RPS6KC1: variants seen among roughly 807,000 people sequenced by gnomAD.
The protein encoded by RPS6KC1 is ribosomal protein S6 kinase C1, also known as inactive ribosomal protein S6 kinase delta-1.
A neutral mutation model predicts 103.8 loss-of-function variants in RPS6KC1; 54 were observed. The observed-to-expected ratio is 0.52, with a 90% confidence interval of 0.42 to 0.65. RPS6KC1 has a LOEUF of 0.65. RPS6KC1 is among the 30% of genes least tolerant of loss of function. RPS6KC1 has a pLI of 0.00. For missense variants in RPS6KC1, 1,151 were observed against 1,253.8 expected (o/e 0.92, Z 1.24); for synonymous variants, 439 against 438.7 (o/e 1.00, Z -0.01).
intron 14 of RPS6KC1, among the ~76,000 whole-genome samples, chr1:213,269,265 C>T (rs762772077): frequency 6.6e-6 from 1 of 152,108 alleles, no homozygotes; most frequent in Non-Finnish European, 1.5e-5. Flanking sequence ...GTAACAGTTA[C>T]AAATGTATAT....
At chr1:213,152,014 G>A (rs1302641869) in intron 6 of RPS6KC1, among the ~76,000 whole-genome samples, 10 of 116,120 alleles carry the variant, frequency 8.6e-5, no homozygotes, top group African/African-American at 2.2e-4. Flanking sequence ...GGGCAGAGGC[G>A]CCCCTCACCT....
At chr1:213,811,253 TC>T in the RPS6KC1 span, among the ~76,000 whole-genome samples, 1 of 152,242 alleles carries the variant, frequency 6.6e-6, no homozygotes, top group African/African-American at 2.4e-5. Context: ...CTGTATCTGC[TC>T]TGCATGGGAC....
At chr1:213,122,083 G>A (rs2084453447) in intron 5 of RPS6KC1, among the ~76,000 whole-genome samples, 2 of 151,990 alleles carry the variant, frequency 1.3e-5, no homozygotes, top group African/African-American at 2.4e-5. Flanking sequence ...TCTTTGTAAC[G>A]GATCCCTTAA....
At chr1:213,215,109 C>T (rs1387353830) in intron 8 of RPS6KC1, among the ~76,000 whole-genome samples, 3 of 152,024 alleles carry the variant, frequency 2.0e-5, no homozygotes, top group Non-Finnish European at 2.9e-5. Context: ...GAACCCATGG[C>T]GAAGACGTTA....
intron 6 of RPS6KC1, among the ~76,000 whole-genome samples, chr1:213,139,460 T>G (rs1044304537): frequency 6.6e-6 from 1 of 152,070 alleles, no homozygotes; most frequent in Non-Finnish European, 1.5e-5. Flanking sequence ...TCTTTTAGGG[T>G]CTTTATAGTC....
chr1:213,508,097 C>CT, the RPS6KC1 span, among the ~76,000 whole-genome samples: 3 of 152,190 alleles, frequency 2.0e-5, no homozygotes, highest in Non-Finnish European at 2.9e-5. Context: ...GCTTGAGTGA[C>CT]TACTTTCACT....
chr1:213,612,476 A>T, the RPS6KC1 span, among the ~76,000 whole-genome samples: 1 of 152,290 alleles, frequency 6.6e-6, no homozygotes, highest in African/African-American at 2.4e-5. Context: ...GTCCTTCAAC[A>T]ATTCATTTCA....
intron 6 of RPS6KC1, among the ~76,000 whole-genome samples, chr1:213,137,854 T>G (rs1346150105): frequency 1.6e-5 from 2 of 128,886 alleles, no homozygotes; most frequent in Non-Finnish European, 3.2e-5. Context: ...CCAAGGGATC[T>G]CTTAAGCTTT....
the RPS6KC1 span, among the ~76,000 whole-genome samples, chr1:213,628,165 G>A: frequency 3.3e-4 from 50 of 152,218 alleles, no homozygotes; most frequent in South Asian, 4.2e-3. Flanking sequence ...TGTATGTGTC[G>A]AGGAATTTAT....
chr1:213,265,287 G>C (rs2094887893), intron 14 of RPS6KC1, among the ~76,000 whole-genome samples: 1 of 152,164 alleles, frequency 6.6e-6, no homozygotes, highest in African/African-American at 2.4e-5. Context: ...TTTGCCTATA[G>C]ATTTATACTT....
At chr1:213,394,292 T>A in the RPS6KC1 span, among the ~76,000 whole-genome samples, 1 of 152,116 alleles carries the variant, frequency 6.6e-6, no homozygotes, top group African/African-American at 2.4e-5. Flanking sequence ...AATGATTAAA[T>A]CTTTAGAGAA....
chr1:213,618,793 A>G, the RPS6KC1 span, among the ~76,000 whole-genome samples: 1 of 152,202 alleles, frequency 6.6e-6, no homozygotes, highest in Non-Finnish European at 1.5e-5. Flanking sequence ...GCTAAAATTT[A>G]ATTTTTCCAT....
chr1:213,589,143 A>G, the RPS6KC1 span, among the ~76,000 whole-genome samples: 1 of 152,180 alleles, frequency 6.6e-6, no homozygotes, highest in African/African-American at 2.4e-5. Flanking sequence ...ACTCCCATGC[A>G]CTTGCTTAGC....
the RPS6KC1 span, among the ~76,000 whole-genome samples, chr1:213,357,593 G>A: frequency 6.6e-6 from 1 of 152,212 alleles, no homozygotes; most frequent in Non-Finnish European, 1.5e-5. Context: ...CTGGGCCAGG[G>A]CTAGAGTGCA....
chr1:213,681,963 C>T, the RPS6KC1 span, among the ~76,000 whole-genome samples: 2 of 152,194 alleles, frequency 1.3e-5, no homozygotes, highest in African/African-American at 4.8e-5. Context: ...CCTAGGTTTG[C>T]TGTCCATGGT....
chr1:213,638,530 G>A, the RPS6KC1 span, among the ~76,000 whole-genome samples: 1 of 151,386 alleles, frequency 6.6e-6, no homozygotes. Flanking sequence ...TTTTATATAA[G>A]GTTTGAGGTA....
the RPS6KC1 span, among the ~76,000 whole-genome samples, chr1:213,374,717 G>A: frequency 2.3e-4 from 35 of 152,300 alleles, no homozygotes; most frequent in Admixed American, 6.5e-4. Flanking sequence ...TGTACAAATG[G>A]CTGACCTTCG....
intron 12 of RPS6KC1, among the ~76,000 whole-genome samples, chr1:213,255,212 G>C (rs990243787): frequency 2.0e-5 from 3 of 151,866 alleles, no homozygotes; most frequent in African/African-American, 7.3e-5. Context: ...TGTGGTCCCA[G>C]CTACTTAGGA....
rs559685795 is a variant in RPS6KC1, at chr1:213,117,718, T to G, written c.472+308T>G. 1.8e-3 allele frequency among the ~76,000 whole-genome samples: 266 copies of G among 151,948 alleles called. 1 individual carries two copies. The highest frequency in any genetic ancestry group is 6.2e-3 in the African/African-American group (259 of 41,456). The stretch of plus-strand genomic sequence containing the variant: ...AATGAGTAGTTCAGAATTTGTATTG[T>G]CTAGTGTAAGAAGGCCTTACTTGGC... On this transcript the variant is annotated intron_variant, in intron 5 of 14. Transcript: ENST00000366960.
Sources: allele counts gnomAD v4.1 joint callset (sites outside exome capture counted in the v4.1 genomes callset), GRCh38; gene constraint gnomAD v4.1.1; transcripts MANE v1.5; gene names NCBI Gene and HGNC (gene_info 2026-07-23, HGNC 2026-07-21).